MDN1: variants seen among roughly 807,000 people sequenced by gnomAD.
The protein encoded by MDN1 is midasin AAA ATPase 1.
A neutral mutation model predicts 669.2 loss-of-function variants in MDN1; 266 were observed. The observed-to-expected ratio is 0.40, with a 90% CI of 0.36 to 0.44. MDN1 has a LOEUF of 0.44. MDN1 is among the 20% of genes least tolerant of loss of function. MDN1 has a pLI of 1.00. For missense variants in MDN1, 5,940 were observed against 6,754.0 expected, an observed-to-expected ratio of 0.88 and a Z score of 4.22; for synonymous variants, 2,385 against 2,457.1, an observed-to-expected ratio of 0.97 and a Z score of 0.87.
chr6:89,694,075 T>C lies in MDN1; in HGVS notation c.9880A>G (p.Arg3294Gly). The C allele has an allele frequency of 1.2e-6, 2 of 1,612,484 alleles. No homozygotes were observed. Among genetic ancestry groups the C allele is most frequent in the East Asian group, 4.5e-5 (2 of 44,890 alleles). Reference sequence around the variant, plus strand: ...CAAATAATCACTCTGCTGTGTTACCTGACGTGAGGATGAGAGTAGCTGACA... The same window carrying C: ...CAAATAATCACTCTGCTGTGTTACCCGACGTGAGGATGAGAGTAGCTGACA... Reference protein sequence around the residue: ...VVVSYSHPHVRLLRQRMDRLD... With the variant: ...VVVSYSHPHVGLLRQRMDRLD... Residue 3294 changes from arginine (R) to glycine (G), a missense_variant and splice_region_variant, in exon 62 of 102, where the codon AGG becomes GGG. Arg to Gly is a moderately radical substitution (Grantham distance 125). Transcript: ENST00000369393.
chr6:89,719,521 A>C (rs887833756), intron 40 of MDN1, among the ~76,000 whole-genome samples: 2 of 152,242 alleles, frequency 1.3e-5, no homozygotes, highest in Admixed American at 6.5e-5. Flanking sequence ...ATTGAAATCT[A>C]GAGACAAAAA....
At chr6:89,774,317 C>G (rs377068596) in intron 13 of MDN1, among the ~76,000 whole-genome samples, 1 of 152,198 alleles carries the variant, frequency 6.6e-6, no homozygotes, top group African/African-American at 2.4e-5. Context: ...AATTTACAGA[C>G]TAATGTTAGA....
At chr6:89,783,222 TTC>T (rs1469301678) in intron 9 of MDN1, among the ~76,000 whole-genome samples, 1 of 152,158 alleles carries the variant, frequency 6.6e-6, no homozygotes, top group East Asian at 1.9e-4. Flanking sequence ...TATTGCCAAA[TTC>T]TTTTCCTAGC....
chr6:89,731,764 C>A (rs1584282654), intron 34 of MDN1, among the ~76,000 whole-genome samples: 3 of 151,630 alleles, frequency 2.0e-5, no homozygotes, highest in African/African-American at 7.3e-5. Context: ...TTCAAATAAT[C>A]TGATCAATCT....
intron 52 of MDN1, among the ~76,000 whole-genome samples, chr6:89,707,114 C>G (rs1813567701): frequency 6.6e-6 from 1 of 152,184 alleles, no homozygotes; most frequent in Non-Finnish European, 1.5e-5. Flanking sequence ...GGACCTATAT[C>G]ACAGGTGGCT....
intron 7 of MDN1, among the ~76,000 whole-genome samples, chr6:89,788,827 A>C (rs1819104587): frequency 6.6e-6 from 1 of 152,180 alleles, no homozygotes; most frequent in Admixed American, 6.5e-5. Context: ...ATAAGAACAG[A>C]ATAAAGAGGT....
intron 2 of MDN1, among the ~76,000 whole-genome samples, chr6:89,796,998 G>A (rs987663249): frequency 6.6e-6 from 1 of 152,006 alleles, no homozygotes; most frequent in South Asian, 2.1e-4. Context: ...AACCTGGGAG[G>A]CGAAGGTTGC....
At position 89,658,755 on chromosome 6, in the gene MDN1, G is replaced by A; in HGVS notation, c.14876C>T (p.Thr4959Ile). The part of the protein sequence containing the change: ...DKAEGEEEMD[T>I]GADDQDGDAA... ...ATCTCCATCTTGGTCATCAGCTCCT[G>A]TGTCCATTTCCTCTTCCCCTTCTGC... The change falls in exon 89 of 102, where the codon ACA becomes ATA. Residue 4959 changes from threonine to isoleucine, a missense_variant. Coordinates refer to ENST00000369393, the MANE Select transcript of MDN1 (RefSeq NM_014611.3). 6.2e-7 allele frequency: 1 copy of A among 1,614,124 alleles called. No homozygotes were observed. Among genetic ancestry groups the A allele is most frequent in the Non-Finnish European group, 8.5e-7 (1 of 1,180,024 alleles).
intron 5 of MDN1, among the ~76,000 whole-genome samples, chr6:89,792,717 G>A (rs1819346579): frequency 6.6e-6 from 1 of 151,102 alleles, no homozygotes; most frequent in Admixed American, 6.6e-5. Context: ...CCCAACTGAT[G>A]GGTTCAAGAA....
intron 9 of MDN1, among the ~76,000 whole-genome samples, chr6:89,782,524 TGAGGCTGC>T (rs1818729287): frequency 6.6e-6 from 1 of 151,570 alleles, no homozygotes; most frequent in Admixed American, 6.6e-5. Context: ...CCTGAGAGGT[TGAGGCTGC>T]AGTGAGCTGA....
Position 89,690,009 on chromosome 6 carries a change from C to G in MDN1, c.10884G>C (p.Gln3628His), listed in dbSNP as rs752042503. 90 of 1,614,048 alleles carry G rather than the reference C, an allele frequency of 5.6e-5. No homozygotes were observed. The highest frequency in any genetic ancestry group is 7.4e-5 in the Non-Finnish European group (87 of 1,180,034). The change falls in exon 65 of 102, where the codon CAG (glutamine) becomes CAC (histidine). Residue 3628 changes from glutamine (Q) to histidine (H), a missense_variant. Around this residue, in one of 5 missense-constraint regions of MDN1, gnomAD observed 2,280 missense variants for 2,576.3 expected, o/e 0.88. Transcript: ENST00000369393. Reference protein sequence around the residue: ...NSMQAVMLIHQQLCLNFARSL... With the variant: ...NSMQAVMLIHHQLCLNFARSL... The stretch of plus-strand genomic sequence containing the variant: ...ATCGAGCAAAGTTGAGACACAATTG[C>G]TGGTGTATCAGCATTACTGCCTGCA...
chr6:89,712,869 T>A, intron 47 of MDN1, 83 bp from the exon 48 acceptor site: 1 of 1,253,794 alleles, frequency 8.0e-7, no homozygotes, highest in East Asian at 2.4e-5. Context: ...TAATAGTCCA[T>A]GCGACCACCT....
chr6:89,666,238 T>A (rs1810212941), intron 84 of MDN1, among the ~76,000 whole-genome samples: 1 of 152,208 alleles, frequency 6.6e-6, no homozygotes, highest in Non-Finnish European at 1.5e-5. Context: ...AAAGAGATCA[T>A]GCTTTACAGA....
At position 89,793,726 on chromosome 6, in the gene MDN1, G is replaced by A. The variant is rs952836358; in HGVS notation, c.855+36C>T. 4 of 1,558,406 alleles carry A rather than the reference G, an allele frequency of 2.6e-6. No individual in the cohort carries two copies. The African/African-American group carries it at 4.1e-5, about 16-fold the overall frequency. On this transcript the variant is annotated intron_variant, in intron 5 of 101. Coordinates refer to ENST00000369393, the MANE Select transcript of MDN1 (RefSeq NM_014611.3). ...CAGAGCACACTCAGTGTTTAGTAGGGGGAAGGGGACACACCCCCTACTGAT... is the reference window on the plus strand; with the variant it reads ...CAGAGCACACTCAGTGTTTAGTAGGAGGAAGGGGACACACCCCCTACTGAT...
In MDN1 at chr6:89,662,974, G is replaced by C; in HGVS notation, c.14237-7C>G. On this transcript the variant is annotated splice_polypyrimidine_tract_variant and splice_region_variant and intron_variant, in intron 85 of 101. Coordinates refer to ENST00000369393, the MANE Select transcript of MDN1 (RefSeq NM_014611.3). ...GATTTCTCATCATCCTCTTCTGAAA[G>C]GGAAGGCACTGAGCTTAGGCAGATC... 7 of 1,613,958 alleles carry C rather than the reference G, an allele frequency of 4.3e-6. No individual in the cohort carries two copies. The highest frequency in any genetic ancestry group is 5.9e-6 in the Non-Finnish European group (7 of 1,180,010).
At chr6:89,790,104 A>G in intron 6 of MDN1, 55 bp downstream of exon 6, 1 of 1,608,422 alleles carries the variant, frequency 6.2e-7, no homozygotes, top group Non-Finnish European at 8.5e-7. Flanking sequence ...GCAATATTTT[A>G]ATGCAAATAT....
intron 50 of MDN1, among the ~76,000 whole-genome samples, 153 bp downstream of exon 50, chr6:89,710,527 CA>C (rs1025178089): frequency 1.5e-3 from 227 of 148,564 alleles, no homozygotes; most frequent in African/African-American, 5.2e-3. Flanking sequence ...AAAGAAATTT[CA>C]AAAAAAAAGA....
At chr6:89,741,489 A>C (rs1385656936) in intron 31 of MDN1, among the ~76,000 whole-genome samples, 1 of 151,806 alleles carries the variant, frequency 6.6e-6, no homozygotes, top group Admixed American at 6.6e-5. Flanking sequence ...GCCCCCCCAA[A>C]ACTAACCCCT....
chr6:89,694,175 T>G lies in MDN1; in HGVS notation c.9780A>C (p.Gln3260His). The G allele has an allele frequency of 6.2e-7, 1 of 1,613,806 alleles. No individual in the cohort carries two copies. Among genetic ancestry groups the G allele is most frequent in the African/African-American group, 1.3e-5 (1 of 75,032 alleles). Residue 3260 changes from glutamine (Q) to histidine (H), a missense_variant, in exon 62 of 102, where the codon CAA becomes CAC. Physicochemically the swap from Gln to His is conservative, Grantham distance 24. Transcript: ENST00000369393. The part of the protein sequence containing the change: ...KLNYVKEELH[Q>H]LQCEWKTRNL... ...TCCGGGTCTTCCATTCACACTGCAG[T>G]TGGTGTAACTAATGGAAAAGAGAGA...
Sources: gnomAD v4.1 joint callset for allele counts (sites outside exome capture counted in the v4.1 genomes callset) on GRCh38, gnomAD v4.1.1 for gene constraint, gnomAD v4.1.1 regional missense constraint, MANE v1.5 for transcripts, NCBI Gene and HGNC (gene_info 2026-07-23, HGNC 2026-07-21) for gene names.